VPS53: variants seen among roughly 807,000 people sequenced by gnomAD.
The protein encoded by VPS53 is vacuolar protein sorting-associated protein 53 homolog.
Under a neutral mutation model 107.0 loss-of-function variants are expected in VPS53, and 70 were observed. The observed-to-expected ratio is 0.65, with a 90% confidence interval of 0.54 to 0.80. VPS53 has a LOEUF of 0.80. Among genes scored for constraint, VPS53 ranks in the 30% least tolerant of loss-of-function variants. The pLI is 0.00. For synonymous variants in VPS53, 409 were observed against 393.3 expected, an observed-to-expected ratio of 1.04 and a Z score of -0.47; for missense variants, 917 against 1,049.4, an observed-to-expected ratio of 0.87 and a Z score of 1.74.
At chr17:665,779 C>T (rs916583848) in intron 4 of VPS53, among the ~76,000 whole-genome samples, 5 of 152,012 alleles carry the variant, frequency 3.3e-5, no homozygotes, top group South Asian at 2.1e-4. Flanking sequence ...CTGAGGCGGG[C>T]GGATCGCCTG....
chr17:627,064 G>T (rs1232204779), intron 10 of VPS53, 110 bp downstream of exon 10: 2 of 1,381,432 alleles, frequency 1.4e-6, no homozygotes, highest in African/African-American at 3.0e-5. Flanking sequence ...TCATCTGGTG[G>T]GGTCTGGAAG....
At chr17:686,655 T>G (rs1254221890) in intron 4 of VPS53, among the ~76,000 whole-genome samples, 3 of 151,928 alleles carry the variant, frequency 2.0e-5, no homozygotes, top group Admixed American at 2.0e-4. Flanking sequence ...AAACCTGGAG[T>G]TGCTTTAAAG....
chr17:703,152 C>T (rs976197423), intron 2 of VPS53, among the ~76,000 whole-genome samples: 7 of 151,864 alleles, frequency 4.6e-5, no homozygotes, highest in Admixed American at 3.3e-4. Context: ...GAGGTTGCAG[C>T]GAGCCGAGAT....
At chr17:609,993 G>T (rs375723690) in intron 11 of VPS53, among the ~76,000 whole-genome samples, 2 of 151,976 alleles carry the variant, frequency 1.3e-5, no homozygotes, top group Non-Finnish European at 2.9e-5. Flanking sequence ...TTAGCCAGGC[G>T]TGGTGGCGGG....
rs572195996 is a variant in VPS53, at chr17:709,009, G to C, written c.168+1524C>G. On this transcript the variant is annotated intron_variant, in intron 2 of 21. Coordinates refer to ENST00000437048, the MANE Select transcript of VPS53 (RefSeq NM_001128159.3). ...ATCATCCTGGAAGAGATACCTAGCT[G>C]CTGGCTCTGTCTAGAATACTGTTCT... Among the ~76,000 whole-genome samples the C allele has an allele frequency of 2.6e-5, 4 of 152,272 alleles. No individual in the cohort carries two copies. The South Asian group carries it at 6.2e-4, about 24-fold the overall frequency.
chr17:563,500 C>T (rs1013740380), intron 13 of VPS53, among the ~76,000 whole-genome samples: 1 of 152,054 alleles, frequency 6.6e-6, no homozygotes, highest in Non-Finnish European at 1.5e-5. Flanking sequence ...CACCATGTTG[C>T]CCAGGCTGGT....
intron 1 of VPS53, 58 bp downstream of exon 1, chr17:714,565 G>C (rs1002405901): frequency 2.6e-6 from 4 of 1,515,670 alleles, no homozygotes; most frequent in Non-Finnish European, 3.6e-6. Flanking sequence ...CCAGCGCCCG[G>C]AGCTGCCGTC....
intron 6 of VPS53, among the ~76,000 whole-genome samples, chr17:655,484 G>C (rs1424603005): frequency 6.6e-6 from 1 of 151,706 alleles, no homozygotes; most frequent in African/African-American, 2.4e-5. Flanking sequence ...GCGTCACTCT[G>C]TCTGCCTGGA....
Position 518,871 on chromosome 17 carries a change from T to G in VPS53, c.*257A>C. The G allele has an allele frequency of 3.2e-6, 1 of 313,606 alleles. No homozygotes were observed. The highest frequency in any genetic ancestry group is 5.9e-6 in the Non-Finnish European group (1 of 170,328). 19.4% of individuals were successfully genotyped at this position (313,606 alleles called of 1,614,324 possible). A position where few individuals can be genotyped will look rare whatever the true frequency, so the allele number is the denominator to read the frequency against. ...ATGAGTCAAGGGCAGCTCAGGGACCTATCCTCCACTGCTGCCTCTGCTTCA... is the reference window on the plus strand; with the variant it reads ...ATGAGTCAAGGGCAGCTCAGGGACCGATCCTCCACTGCTGCCTCTGCTTCA... On this transcript the variant is annotated 3_prime_UTR_variant, in exon 22 of 22. Coordinates refer to ENST00000437048, the MANE Select transcript of VPS53 (RefSeq NM_001128159.3).
chr17:688,209 C>T (rs1972659624), intron 4 of VPS53, among the ~76,000 whole-genome samples: 1 of 152,182 alleles, frequency 6.6e-6, no homozygotes, highest in African/African-American at 2.4e-5. Flanking sequence ...TGGGAAGTCA[C>T]TGAACCACGG....
At chr17:620,896 C>T (rs779023856) in intron 11 of VPS53, among the ~76,000 whole-genome samples, 3 of 152,084 alleles carry the variant, frequency 2.0e-5, no homozygotes, top group African/African-American at 2.4e-5. Context: ...GCATGAGCCA[C>T]CGCACCCGGC....
At chr17:656,077 A>C (rs1971176867) in intron 5 of VPS53, 124 bp from the exon 6 acceptor site, 2 of 646,412 alleles carry the variant, frequency 3.1e-6, no homozygotes, top group African/African-American at 1.8e-5. Context: ...GTTAGCAAAC[A>C]TTCTCACAAT....
chr17:561,375 C>T (rs1171079471), intron 14 of VPS53, among the ~76,000 whole-genome samples: 1 of 152,212 alleles, frequency 6.6e-6, no homozygotes, highest in Non-Finnish European at 1.5e-5. Context: ...AACAGTCTCT[C>T]TACTGACATA....
intron 13 of VPS53, among the ~76,000 whole-genome samples, chr17:569,975 T>C (rs141820245): frequency 2.2e-3 from 326 of 151,174 alleles, no homozygotes; most frequent in African/African-American, 7.5e-3. Flanking sequence ...AAGTGAAAGA[T>C]GAGGAAAAGG....
intron 4 of VPS53, among the ~76,000 whole-genome samples, chr17:694,307 C>T (rs749710451): frequency 1.3e-5 from 2 of 152,144 alleles, no homozygotes; most frequent in African/African-American, 2.4e-5. Context: ...CCTATTAATA[C>T]GGGATGGGGG....
At chr17:621,627 T>C (rs1376571909) in intron 11 of VPS53, among the ~76,000 whole-genome samples, 1 of 152,252 alleles carries the variant, frequency 6.6e-6, no homozygotes, top group African/African-American at 2.4e-5. Flanking sequence ...TGTTTTCTTT[T>C]TTTTCATGTT....
chr17:572,219 C>T (rs1319608102), intron 13 of VPS53, among the ~76,000 whole-genome samples: 1 of 150,460 alleles, frequency 6.6e-6, no homozygotes, highest in Non-Finnish European at 1.5e-5. Context: ...GTGAGGAGCG[C>T]CTCTGCCCGG....
intron 13 of VPS53, 87 bp from the exon 14 acceptor site, chr17:562,832 T>C (rs1468695215): frequency 1.4e-6 from 2 of 1,430,512 alleles, no homozygotes; most frequent in Non-Finnish European, 1.9e-6. Flanking sequence ...CATAAACTAC[T>C]GCCACAAGTA....
At position 567,395 on chromosome 17, in the gene VPS53, T is replaced by C. The variant is rs527699689; in HGVS notation, c.1314-4650A>G. Among the ~76,000 whole-genome samples the C allele has an allele frequency of 3.9e-5, 6 of 152,240 alleles. No homozygotes were observed. In the East Asian group the frequency reaches 9.6e-4, roughly 24 times the overall value. ...GCATGCTTTGATGCCACATGAGACA[T>C]TAGAAAATCAGTAGCCAGTATTTCA... On this transcript the variant is annotated intron_variant, in intron 13 of 21. Transcript: ENST00000437048.
Sources: gnomAD v4.1 joint callset for allele counts (sites outside exome capture counted in the v4.1 genomes callset) on GRCh38, gnomAD v4.1.1 for gene constraint, MANE v1.5 for transcripts, NCBI Gene and HGNC (gene_info 2026-07-23, HGNC 2026-07-21) for gene names.